Variants in NCKAP1 observed in about 807,000 individuals in gnomAD.
NCKAP1 encodes the protein nck-associated protein 1.
NCKAP1 carries 21 observed loss-of-function variants against 151.2 expected under a neutral mutation model. The ratio of observed to expected loss-of-function variants is 0.14; its 90% CI spans 0.10 to 0.20. The LOEUF is 0.20. Among genes scored for constraint, NCKAP1 ranks in the 10% least tolerant of loss-of-function variants. The pLI, the probability that NCKAP1 is intolerant of heterozygous loss-of-function variation, is 1.00. For missense variants in NCKAP1, 933 were observed against 1,352.1 expected, an observed-to-expected ratio of 0.69 and a Z score of 4.86; for synonymous variants, 484 against 451.8, an observed-to-expected ratio of 1.07 and a Z score of -0.90.
At chr2:182,980,476 C>T (rs1377085885) in intron 13 of NCKAP1, among the ~76,000 whole-genome samples, 4 of 151,832 alleles carry the variant, frequency 2.6e-5, no homozygotes, top group African/African-American at 9.7e-5. Context: ...AGCTTACAGT[C>T]ATTTGAAACA....
chr2:182,986,034 A>G, intron 10 of NCKAP1, 137 bp downstream of exon 10: 1 of 757,182 alleles, frequency 1.3e-6, no homozygotes, highest in South Asian at 1.7e-5. Context: ...AATATACTTA[A>G]TAATTCTCAT....
chr2:182,987,229 G>A lies in NCKAP1; in HGVS notation c.948-1002C>T, dbSNP rs562024334. On this transcript the variant is annotated intron_variant, in intron 9 of 30. Coordinates refer to ENST00000361354, the MANE Select transcript of NCKAP1 (RefSeq NM_013436.5). ...TGCACTTCAGCCTGGGTGACAGAGC[G>A]AAACTCTTGTCTCAAAAACAAATAA... Among the ~76,000 whole-genome samples the A allele has an allele frequency of 2.8e-4, 43 of 151,992 alleles. No homozygotes were observed. The East Asian group carries it at 3.5e-3, about 12-fold the overall frequency.
chr2:183,001,036 T>C (rs1307647712), intron 6 of NCKAP1, among the ~76,000 whole-genome samples: 1 of 152,192 alleles, frequency 6.6e-6, no homozygotes, highest in Non-Finnish European at 1.5e-5. Context: ...GAAGCTCCAG[T>C]GAGCTGAGAT....
rs1160805685 is a variant in NCKAP1 at position 182,964,658 on chromosome 2, G to A, written c.1761+18C>T. ...TACTTTGCATACCATATAACTCACA[G>A]TAGTACACTATAATTACCTCTTCTG... On this transcript the variant is annotated intron_variant, in intron 17 of 30. Coordinates refer to ENST00000361354, the MANE Select transcript of NCKAP1 (RefSeq NM_013436.5). 1.9e-6 allele frequency: 3 copies of A among 1,574,130 alleles called. No individual in the cohort carries two copies. The highest frequency in any genetic ancestry group is 1.9e-5 in the Admixed American group (1 of 53,580).
At position 182,925,622 on chromosome 2, in the gene NCKAP1, TTAAG is replaced by T. The variant is rs1696627759; in HGVS notation, c.*76_*79del. 2.9e-6 allele frequency: 2 copies of T among 692,868 alleles called. No individual in the cohort carries two copies. Among genetic ancestry groups the T allele is most frequent in the Non-Finnish European group, 4.6e-6 (2 of 435,656 alleles). The allele number at this position is 692,868 out of a possible 1,614,324, so 42.9% of individuals were successfully genotyped here. ...ATAATCCACAAAACTTTTTCAGGTC[TTAAG>T]GTAAAATAGTTCCACAGTCTACAGG... On this transcript the variant is annotated 3_prime_UTR_variant, in exon 31 of 31. Coordinates refer to ENST00000361354, the MANE Select transcript of NCKAP1 (RefSeq NM_013436.5).
chr2:182,923,553 T>C lies in NCKAP1; in HGVS notation c.*2149A>G, dbSNP rs1575007692. 6.6e-6 allele frequency: 1 copy of C among 152,160 alleles called. No homozygotes were observed. The highest frequency in any genetic ancestry group is 2.4e-5 in the African/African-American group (1 of 41,454). The allele number at this position is 152,160 out of a possible 1,614,324, so 9.4% of individuals were successfully genotyped here. ...CTCCCAAAGTGCTGAAATAGGCGTG[T>C]GCCACTACGCCTGGCCATGAAATTG... On this transcript the variant is annotated 3_prime_UTR_variant, in exon 31 of 31. Coordinates refer to ENST00000361354, the MANE Select transcript of NCKAP1 (RefSeq NM_013436.5).
At chr2:182,967,975 G>A (rs551382947) in intron 15 of NCKAP1, among the ~76,000 whole-genome samples, 1 of 152,164 alleles carries the variant, frequency 6.6e-6, no homozygotes, top group East Asian at 1.9e-4. Context: ...CATGGATAGG[G>A]CACATTTCAG....
intron 18 of NCKAP1, among the ~76,000 whole-genome samples, chr2:182,960,581 T>C (rs1189462909): frequency 6.6e-6 from 1 of 152,132 alleles, no homozygotes; most frequent in Non-Finnish European, 1.5e-5. Flanking sequence ...AAAAGTTAAT[T>C]CAAGATGGAT....
Position 182,914,350 on chromosome 2 carries a change from C to T in NCKAP1, c.*11352G>A, listed in dbSNP as rs1292285288. 1 of 152,116 alleles carries T rather than the reference C, an allele frequency of 6.6e-6. No homozygotes were observed. Among genetic ancestry groups the T allele is most frequent in the Non-Finnish European group, 1.5e-5 (1 of 68,010 alleles). The allele number at this position is 152,116 out of a possible 1,614,324, so 9.4% of individuals were successfully genotyped here. A position where few individuals can be genotyped will look rare whatever the true frequency, so the allele number is the denominator to read the frequency against. ...GGGGAAGGCAAGTGGAGGGAGCTGA[C>T]GTTTTGGACTCTGGACAGATACAAT... is the stretch of plus-strand genomic sequence containing the variant. On this transcript the variant is annotated 3_prime_UTR_variant, in exon 31 of 31. Coordinates refer to ENST00000361354, the MANE Select transcript of NCKAP1 (RefSeq NM_013436.5).
chr2:183,023,864 T>C lies in NCKAP1; in HGVS notation c.161A>G (p.Glu54Gly). The C allele has an allele frequency of 6.2e-7, 1 of 1,613,612 alleles. No individual in the cohort carries two copies. Among genetic ancestry groups the C allele is most frequent in the Non-Finnish European group, 8.5e-7 (1 of 1,179,622 alleles). ...TCTGACTATGAATTTCACAGCAGATTCCAGGTTTTTGTCGATAAGATAGGA... is the reference window on the plus strand; with the variant it reads ...TCTGACTATGAATTTCACAGCAGATCCCAGGTTTTTGTCGATAAGATAGGA... ...KPSYLIDKNL[E>G]SAVKFIVRKF... The change falls in exon 2 of 31, where the codon GAA becomes GGA. Residue 54 changes from glutamate (E) to glycine (G), a missense_variant. Transcript: ENST00000361354.
intron 23 of NCKAP1, among the ~76,000 whole-genome samples, chr2:182,950,576 T>C (rs766020648): frequency 2.1e-4 from 32 of 152,178 alleles, no homozygotes; most frequent in Non-Finnish European, 3.5e-4. Context: ...TTTACAACCA[T>C]ATAAAGTTTA....
Position 182,982,679 on chromosome 2 carries a change from T to C in NCKAP1, c.1208+142A>G, listed in dbSNP as rs1210854269. 8.3e-6 allele frequency: 5 copies of C among 601,288 alleles called. No homozygotes were observed. The Admixed American group carries it at 1.7e-4, about 21-fold the overall frequency. The allele number at this position is 601,288 out of a possible 1,614,324, so 37.2% of individuals were successfully genotyped here. A position where few individuals can be genotyped will look rare whatever the true frequency, so the allele number is the denominator to read the frequency against. ...GAAGGTAGGCTAGGCTAAGCTCTAA[T>C]GTTCAGTAATAATAGGTGTACTAAA... On this transcript the variant is annotated intron_variant, in intron 12 of 30. Coordinates refer to ENST00000361354, the MANE Select transcript of NCKAP1 (RefSeq NM_013436.5).
At chr2:182,997,372 G>A (rs1048295184) in intron 6 of NCKAP1, among the ~76,000 whole-genome samples, 2 of 152,048 alleles carry the variant, frequency 1.3e-5, no homozygotes, top group Non-Finnish European at 1.5e-5. Context: ...TTTTATCATC[G>A]TTTTAGTGCC....
intron 15 of NCKAP1, among the ~76,000 whole-genome samples, chr2:182,968,009 G>A (rs894937347): frequency 6.6e-6 from 1 of 152,168 alleles, no homozygotes; most frequent in Non-Finnish European, 1.5e-5. Context: ...AAGAATAGAA[G>A]GGATGCCTAC....
At position 182,921,401 on chromosome 2, in the gene NCKAP1, C is replaced by T. The variant is rs925062248; in HGVS notation, c.*4301G>A. On this transcript the variant is annotated 3_prime_UTR_variant, in exon 31 of 31. Transcript: ENST00000361354. ...TTGGTCAGTATGTGTATGTAGTGTACTATGAATGTGACTCAGCCATATACT... is the reference window on the plus strand; with the variant it reads ...TTGGTCAGTATGTGTATGTAGTGTATTATGAATGTGACTCAGCCATATACT... 6 of 152,114 alleles carry T rather than the reference C, an allele frequency of 3.9e-5. No individual in the cohort carries two copies. Among genetic ancestry groups the T allele is most frequent in the Non-Finnish European group, 8.8e-5 (6 of 68,032 alleles). The allele number at this position is 152,114 out of a possible 1,614,324, so 9.4% of individuals were successfully genotyped here.
Position 182,962,283 on chromosome 2 carries a change from G to A in NCKAP1, c.1762-5C>T, listed in dbSNP as rs986667221. On this transcript the variant is annotated splice_region_variant and splice_polypyrimidine_tract_variant and intron_variant, in intron 17 of 30. Transcript: ENST00000361354. ...GCGATCTCCAATATGATGTCGCTGT[G>A]AAGGCAGAATAATAATAATAATACA... 4.4e-6 allele frequency: 7 copies of A among 1,594,580 alleles called. No individual in the cohort carries two copies. Among genetic ancestry groups the A allele is most frequent in the Non-Finnish European group, 5.1e-6 (6 of 1,166,564 alleles).
At chr2:182,947,816 T>C (rs1697138378) in intron 23 of NCKAP1, among the ~76,000 whole-genome samples, 1 of 152,200 alleles carries the variant, frequency 6.6e-6, no homozygotes, top group African/African-American at 2.4e-5. Context: ...CAGACTAGTA[T>C]ACAACACACT....
chr2:182,959,245 C>T (rs180899510), intron 18 of NCKAP1, among the ~76,000 whole-genome samples: 10 of 152,204 alleles, frequency 6.6e-5, no homozygotes, highest in East Asian at 3.9e-4. Context: ...AAAATTTCTA[C>T]GGACATTTGC....
At chr2:182,971,927 A>C (rs911340650) in intron 15 of NCKAP1, among the ~76,000 whole-genome samples, 7 of 152,208 alleles carry the variant, frequency 4.6e-5, no homozygotes, top group Non-Finnish European at 8.8e-5. Context: ...AATGAATTAA[A>C]GACTTAAATG....
Sources: allele counts gnomAD v4.1 joint callset (sites outside exome capture counted in the v4.1 genomes callset), GRCh38; gene constraint gnomAD v4.1.1; transcripts MANE v1.5; gene names NCBI Gene and HGNC (gene_info 2026-07-23, HGNC 2026-07-21).